Variants in QPCT observed in about 807,000 individuals in gnomAD.
QPCT encodes glutaminyl-peptide cyclotransferase, also known as EC.
In QPCT, 44 loss-of-function variants were observed where a neutral mutation model predicts 43.4. The observed-to-expected ratio is 1.01, with a 90% confidence interval of 0.80 to 1.30. The LOEUF (loss-of-function observed/expected upper bound fraction) is 1.30. Ranked by LOEUF, QPCT falls within the 50% of genes most tolerant of loss-of-function variation. QPCT has a pLI of 0.00. For missense variants in QPCT, 526 were observed against 436.5 expected, an observed-to-expected ratio of 1.21 and a Z score of -1.83; for synonymous variants, 168 against 168.4, an observed-to-expected ratio of 1.00 and a Z score of 0.02.
rs193076871 is a variant in QPCT, at chr2:37,363,793, A to G, written c.547-3439A>G. ...TTACAGAGATAAGAGGAGACATTATATCTATGAAACAAAACCAGAATGCTG... is the reference window on the plus strand; with the variant it reads ...TTACAGAGATAAGAGGAGACATTATGTCTATGAAACAAAACCAGAATGCTG... On this transcript the variant is annotated intron_variant, in intron 3 of 6. Transcript: ENST00000338415. Among the ~76,000 whole-genome samples the G allele has an allele frequency of 2.2e-4, 33 of 152,252 alleles. 1 individual carries two copies. In the East Asian group the frequency reaches 5.4e-3, roughly 25 times the overall value.
At chr2:37,364,738 C>T (rs1359845519) in intron 3 of QPCT, among the ~76,000 whole-genome samples, 2 of 152,056 alleles carry the variant, frequency 1.3e-5, no homozygotes, top group African/African-American at 2.4e-5. Context: ...TCCGGGGGAA[C>T]CTCAGGAGAT....
At chr2:37,345,389 A>G (rs375039248) in intron 1 of QPCT, among the ~76,000 whole-genome samples, 262 of 152,278 alleles carry the variant, frequency 1.7e-3, no homozygotes, top group African/African-American at 6.1e-3. Context: ...GGCAGGAAGG[A>G]CCTTTACTGG....
chr2:37,360,149 T>C (rs1466881561), intron 3 of QPCT: 3 of 391,182 alleles, frequency 7.7e-6, no homozygotes, highest in African/African-American at 6.2e-5. Flanking sequence ...GAAGTTTGTT[T>C]CAGGTATAGT....
chr2:37,355,484 T>C (rs1672723215), intron 2 of QPCT, among the ~76,000 whole-genome samples: 1 of 152,048 alleles, frequency 6.6e-6, no homozygotes, highest in African/African-American at 2.4e-5. Context: ...GATCCTCAAA[T>C]ATTAAAAAAG....
intron 1 of QPCT, among the ~76,000 whole-genome samples, chr2:37,346,057 CTTAGAGTATGCCTGTATT>C (rs1251432157): frequency 2.6e-5 from 4 of 152,166 alleles, no homozygotes; most frequent in African/African-American, 7.2e-5. Flanking sequence ...CTTTTACACA[CTTAGAGTATGCCTGTATT>C]TACTCAAATG....
chr2:37,372,653 A>G (rs1156773945), intron 6 of QPCT, 29 bp from the exon 7 acceptor site: 1 of 1,606,516 alleles, frequency 6.2e-7, no homozygotes, highest in Non-Finnish European at 8.5e-7. Flanking sequence ...AGTAATGCAC[A>G]TTGTTACAAG....
intron 1 of QPCT, among the ~76,000 whole-genome samples, chr2:37,348,313 T>C (rs1672549098): frequency 6.6e-6 from 1 of 152,166 alleles, no homozygotes. Context: ...TAAGCTGTTG[T>C]GGTTAAAGCC....
At chr2:37,349,924 A>G (rs1672583619) in intron 1 of QPCT, among the ~76,000 whole-genome samples, 1 of 152,174 alleles carries the variant, frequency 6.6e-6, no homozygotes, top group Non-Finnish European at 1.5e-5. Flanking sequence ...TTTTTTGATT[A>G]ATTTCCCCAA....
chr2:37,358,507 G>C (rs1672794083), intron 2 of QPCT, among the ~76,000 whole-genome samples: 1 of 152,036 alleles, frequency 6.6e-6, no homozygotes, highest in African/African-American at 2.4e-5. Context: ...GTGAAGCCAA[G>C]ATAAAATAGG....
rs540144462 is a variant in QPCT at position 37,346,990 on chromosome 2, T to A, written c.120+2139T>A. ...TTTGAATATGTAAAAGCAGATCAACTGTAGTTTATGGTGGCATTCAGAGGC... is the reference window on the plus strand; with the variant it reads ...TTTGAATATGTAAAAGCAGATCAACAGTAGTTTATGGTGGCATTCAGAGGC... On this transcript the variant is annotated intron_variant, in intron 1 of 6. Transcript: ENST00000338415. 9.3e-5 allele frequency among the ~76,000 whole-genome samples: 14 copies of A among 150,770 alleles called. No individual in the cohort carries two copies. The East Asian group carries it at 2.7e-3, about 30-fold the overall frequency.
intron 1 of QPCT, 115 bp downstream of exon 1, chr2:37,344,966 C>A: frequency 7.1e-7 from 1 of 1,403,974 alleles, no homozygotes; most frequent in South Asian, 1.5e-5. Flanking sequence ...CCACGGTCCC[C>A]AGCCCAGGCA....
At chr2:37,357,424 CGTATA>C (rs1356677041) in intron 2 of QPCT, among the ~76,000 whole-genome samples, 3 of 151,184 alleles carry the variant, frequency 2.0e-5, no homozygotes, top group East Asian at 3.9e-4. Flanking sequence ...TGCTTTGTAT[CGTATA>C]GTTTTATATA....
chr2:37,372,667 G>A lies in QPCT; in HGVS notation c.941-15G>A. ...GAGTAATGCACATTGTTACAAGTTG[G>A]TTCTTTCTTAATAGGTGTTCCAGTT... On this transcript the variant is annotated splice_polypyrimidine_tract_variant and intron_variant, in intron 6 of 6. Coordinates refer to ENST00000338415, the MANE Select transcript of QPCT (RefSeq NM_012413.4). The A allele has an allele frequency of 6.2e-7, 1 of 1,609,576 alleles. No individual in the cohort carries two copies.
chr2:37,364,224 G>A (rs1369823010), intron 3 of QPCT, among the ~76,000 whole-genome samples: 1 of 152,160 alleles, frequency 6.6e-6, no homozygotes, highest in African/African-American at 2.4e-5. Flanking sequence ...TGCCCTAGAA[G>A]TTGCTTAAAG....
At chr2:37,370,083 G>A (rs2124943194) in intron 5 of QPCT, among the ~76,000 whole-genome samples, 1 of 152,232 alleles carries the variant, frequency 6.6e-6, no homozygotes, top group African/African-American at 2.4e-5. Flanking sequence ...TACTTGATAG[G>A]CTGAGGCATG....
intron 2 of QPCT, among the ~76,000 whole-genome samples, chr2:37,357,747 A>G (rs1356089692): frequency 6.6e-6 from 1 of 152,080 alleles, no homozygotes; most frequent in Non-Finnish European, 1.5e-5. Context: ...GTGTCCTCCC[A>G]CTATTTAAAT....
chr2:37,353,238 T>C (rs1672660377), intron 2 of QPCT, among the ~76,000 whole-genome samples: 2 of 152,222 alleles, frequency 1.3e-5, no homozygotes, highest in Admixed American at 1.3e-4. Context: ...TCTTGAATCC[T>C]AAACAATGAA....
At chr2:37,356,947 CAGTGAG>C (rs1330356916) in intron 2 of QPCT, among the ~76,000 whole-genome samples, 8 of 149,588 alleles carry the variant, frequency 5.3e-5, no homozygotes, top group African/African-American at 1.0e-4. Flanking sequence ...TTGGAGGTTG[CAGTGAG>C]CCAAGATTGT....
chr2:37,367,280 G>C lies in QPCT; in HGVS notation c.595G>C (p.Asp199His), dbSNP rs1352771784. Reference sequence around the variant, plus strand: ...TTTGTCACTCCAGCTGATCTTCTTTGATGGTGAAGAGGCTTTTCTTCACTG... The same window carrying C: ...TTTGTCACTCCAGCTGATCTTCTTTCATGGTGAAGAGGCTTTTCTTCACTG... The part of the protein sequence containing the change: ...PDLSLQLIFF[D>H]GEEAFLHWSP... The change falls in exon 4 of 7, where the codon GAT becomes CAT. Residue 199 changes from aspartate (D) to histidine (H), a missense_variant. Transcript: ENST00000338415. 1 of 1,614,036 alleles carries C rather than the reference G, an allele frequency of 6.2e-7. No individual in the cohort carries two copies. The highest frequency in any genetic ancestry group is 8.5e-7 in the Non-Finnish European group (1 of 1,179,956).
Sources: gnomAD v4.1 joint callset for allele counts (sites outside exome capture counted in the v4.1 genomes callset) on GRCh38, gnomAD v4.1.1 for gene constraint, MANE v1.5 for transcripts, NCBI Gene and HGNC (gene_info 2026-07-23, HGNC 2026-07-21) for gene names.